The following ZFHX3 variants were observed in gnomAD, a reference collection of about 807,000 sequenced individuals.
The protein encoded by ZFHX3 is zinc finger homeobox 3.
A neutral mutation model predicts 279.1 loss-of-function variants in ZFHX3; 42 were observed. That is an observed-to-expected ratio of 0.15 (90% CI 0.12 to 0.19). ZFHX3 has a LOEUF of 0.19. Among genes scored for constraint, ZFHX3 ranks in the 10% least tolerant of loss-of-function variants. ZFHX3 has a pLI of 1.00. For missense variants in ZFHX3, 4,981 were observed against 4,754.0 expected, an observed-to-expected ratio of 1.05 and a Z score of -1.40; for synonymous variants, 2,293 against 1,957.8, an observed-to-expected ratio of 1.17 and a Z score of -4.52.
intron 3 of ZFHX3, among the ~76,000 whole-genome samples, chr16:73,406,151 C>A (rs554890516): frequency 6.6e-6 from 1 of 152,388 alleles, no homozygotes; most frequent in East Asian, 1.9e-4. Flanking sequence ...CTGCAAAGAA[C>A]GCCCCGAACT....
chr16:73,728,727 G>A (rs1013377167), intron 1 of ZFHX3, among the ~76,000 whole-genome samples: 1 of 151,756 alleles, frequency 6.6e-6, no homozygotes, highest in Admixed American at 6.6e-5. Context: ...TCTAAAAAGA[G>A]CCCCCTGCCT....
At chr16:73,661,442 C>T (rs55803708) in intron 2 of ZFHX3, among the ~76,000 whole-genome samples, 31,294 of 152,060 alleles carry the variant, frequency 0.21, 3,339 homozygotes, top group South Asian at 0.22. Context: ...GATGTATGGC[C>T]GGGTGTGCTG....
intron 3 of ZFHX3, among the ~76,000 whole-genome samples, chr16:73,352,424 T>C (rs915431845): frequency 6.6e-6 from 1 of 150,572 alleles, no homozygotes; most frequent in African/African-American, 2.4e-5. Context: ...GTTATAAGGA[T>C]AAACGGTGTC....
chr16:73,439,738 T>C (rs2018053815), intron 3 of ZFHX3, among the ~76,000 whole-genome samples: 1 of 151,950 alleles, frequency 6.6e-6, no homozygotes. Context: ...GATTTCTTTT[T>C]AGCAGCCTGC....
At chr16:73,098,042 G>A (rs948085513) in intron 7 of ZFHX3, among the ~76,000 whole-genome samples, 2 of 151,230 alleles carry the variant, frequency 1.3e-5, no homozygotes, top group South Asian at 4.2e-4. Context: ...CAACATGAGT[G>A]TACAAGTATC....
At chr16:73,202,428 G>A (rs1372732095) in intron 5 of ZFHX3, among the ~76,000 whole-genome samples, 1 of 152,220 alleles carries the variant, frequency 6.6e-6, no homozygotes, top group Non-Finnish European at 1.5e-5. Flanking sequence ...AGGGTGAATA[G>A]CTCAAAGAGT....
At chr16:73,181,085 GT>G (rs148978896) in intron 5 of ZFHX3, among the ~76,000 whole-genome samples, 29,888 of 127,364 alleles carry the variant, frequency 0.23, 3,369 homozygotes, top group African/African-American at 0.34. Context: ...TTGTTTGTTT[GT>G]TTTGTTTTGT....
intron 2 of ZFHX3, among the ~76,000 whole-genome samples, chr16:73,592,530 A>G (rs1284035299): frequency 6.6e-6 from 1 of 152,178 alleles, no homozygotes; most frequent in Non-Finnish European, 1.5e-5. Context: ...TTATTTAGAG[A>G]TATATACTAA....
At chr16:73,470,083 G>T (rs1292163376) in intron 2 of ZFHX3, among the ~76,000 whole-genome samples, 1 of 152,166 alleles carries the variant, frequency 6.6e-6, no homozygotes, top group African/African-American at 2.4e-5. Context: ...CCGAAATGCA[G>T]ATTCTTATTC....
intron 1 of ZFHX3, among the ~76,000 whole-genome samples, chr16:73,835,703 T>G (rs1217533224): frequency 1.3e-5 from 2 of 152,076 alleles, no homozygotes; most frequent in Non-Finnish European, 2.9e-5. Flanking sequence ...ACTCCTGACC[T>G]CAGGAGATCC....
At chr16:73,057,715 T>C (rs1455997746) in intron 1 of ZFHX3, among the ~76,000 whole-genome samples, 1 of 151,456 alleles carries the variant, frequency 6.6e-6, no homozygotes, top group African/African-American at 2.4e-5. Flanking sequence ...CTCTGGGCGC[T>C]CGCGGCGCTG....
At position 72,967,686 on chromosome 16, in the gene ZFHX3, G is replaced by C. The variant is rs535221593; in HGVS notation, c.-49-7492C>G. On this transcript the variant is annotated intron_variant, in intron 1 of 9. Coordinates refer to ENST00000268489, the MANE Select transcript of ZFHX3 (RefSeq NM_006885.4). ...AATCCCAGCACTTTGGGAGGCCGAG[G>C]CGGGCAGATCACGAGGCCAGGTAAT... Among the ~76,000 whole-genome samples, 31 of 151,776 alleles carry C rather than the reference G, an allele frequency of 2.0e-4. No individual in the cohort carries two copies. The East Asian group carries it at 5.6e-3, about 28-fold the overall frequency.
Position 73,683,611 on chromosome 16 carries a change from G to A in ZFHX3, c.-1607-3371C>T, listed in dbSNP as rs779463177. ...GGCTGGAGTGCAATGGTGTGATCTC[G>A]GCTCACTGCAACCTCTGCCTCCTGG... On this transcript the variant is annotated intron_variant, in intron 1 of 17. Transcript: ENST00000641206. Among the ~76,000 whole-genome samples the A allele has an allele frequency of 2.0e-5, 3 of 151,176 alleles. 1 individual carries two copies. The highest frequency in any genetic ancestry group is 6.8e-3 in the Middle Eastern group (2 of 292).
intron 7 of ZFHX3, among the ~76,000 whole-genome samples, chr16:72,801,260 C>T (rs1050128272): frequency 6.6e-6 from 1 of 152,188 alleles, no homozygotes; most frequent in African/African-American, 2.4e-5. Context: ...CCCAGCCCCA[C>T]TTGGAGACAT....
intron 2 of ZFHX3, among the ~76,000 whole-genome samples, chr16:73,580,066 A>C (rs544872589): frequency 6.6e-6 from 1 of 150,924 alleles, no homozygotes; most frequent in East Asian, 1.9e-4. Context: ...TAAATATTAA[A>C]TGAAAGCATC....
chr16:73,130,444 G>A (rs1966659002), intron 7 of ZFHX3, among the ~76,000 whole-genome samples: 1 of 152,202 alleles, frequency 6.6e-6, no homozygotes, highest in South Asian at 2.1e-4. Context: ...CTCCGAGAGG[G>A]TCTACAATGT....
chr16:73,269,534 C>T (rs945200133), intron 4 of ZFHX3, among the ~76,000 whole-genome samples: 3 of 152,152 alleles, frequency 2.0e-5, no homozygotes, highest in South Asian at 2.1e-4. Flanking sequence ...TTTCATGGCA[C>T]GGATGTACTG....
intron 5 of ZFHX3, among the ~76,000 whole-genome samples, chr16:72,821,377 T>C (rs1217661766): frequency 1.3e-5 from 2 of 152,178 alleles, no homozygotes; most frequent in Non-Finnish European, 2.9e-5. Context: ...TACAGAGAGA[T>C]AGACACCCTA....
chr16:73,881,051 T>C (rs548420986), intron 1 of ZFHX3, among the ~76,000 whole-genome samples: 1 of 152,194 alleles, frequency 6.6e-6, no homozygotes, highest in Non-Finnish European at 1.5e-5. Context: ...GCTCTTCAAA[T>C]ATGCAGTCCC....
Sources: gnomAD v4.1 joint callset for allele counts (sites outside exome capture counted in the v4.1 genomes callset) on GRCh38, gnomAD v4.1.1 for gene constraint, MANE v1.5 for transcripts, NCBI Gene and HGNC (gene_info 2026-07-23, HGNC 2026-07-21) for gene names.